The following PKHD1 variants were observed in gnomAD, a reference collection of about 807,000 sequenced individuals.
PKHD1 encodes the protein fibrocystin.
Under a neutral mutation model 412.0 loss-of-function variants are expected in PKHD1, and 291 were observed. That is an observed-to-expected ratio of 0.71 (90% CI 0.64 to 0.78). The LOEUF (loss-of-function observed/expected upper bound fraction) is 0.78, where lower values mean the gene tolerates loss of function less well. PKHD1 is among the 30% of genes least tolerant of loss of function. The pLI, the probability that PKHD1 is intolerant of heterozygous loss-of-function variation, is 0.00. For missense variants in PKHD1, 4,825 were observed against 4,950.7 expected (o/e 0.97, Z 0.76); for synonymous variants, 1,777 against 1,821.5 (o/e 0.98, Z 0.62).
chr6:51,654,375 A>G (rs1270949695), intron 61 of PKHD1, among the ~76,000 whole-genome samples: 1 of 152,080 alleles, frequency 6.6e-6, no homozygotes, highest in Non-Finnish European at 1.5e-5. Context: ...ATATCCATTA[A>G]TTTTCAAATC....
intron 37 of PKHD1, among the ~76,000 whole-genome samples, chr6:51,923,748 T>C (rs550490481): frequency 1.3e-5 from 2 of 152,304 alleles, no homozygotes; most frequent in South Asian, 4.1e-4. Flanking sequence ...CAAAGAGAGC[T>C]ATAAGCCAGA....
chr6:52,067,081 C>T (rs1398663532), intron 11 of PKHD1, among the ~76,000 whole-genome samples: 6 of 152,014 alleles, frequency 3.9e-5, no homozygotes, highest in Non-Finnish European at 8.8e-5. Context: ...GGTACAAAAG[C>T]TAATGATGAA....
At chr6:51,674,982 T>C (rs1187790807) in intron 60 of PKHD1, among the ~76,000 whole-genome samples, 2 of 152,108 alleles carry the variant, frequency 1.3e-5, no homozygotes, top group Non-Finnish European at 2.9e-5. Flanking sequence ...TTAAAAAATA[T>C]ATGTATTTTT....
intron 35 of PKHD1, among the ~76,000 whole-genome samples, chr6:51,970,990 A>G (rs1426429548): frequency 2.0e-5 from 3 of 152,138 alleles, no homozygotes; most frequent in Non-Finnish European, 4.4e-5. Flanking sequence ...GCAAAAAATG[A>G]TGTTGACATT....
At chr6:51,955,794 G>A (rs545386835) in intron 36 of PKHD1, among the ~76,000 whole-genome samples, 19 of 151,934 alleles carry the variant, frequency 1.3e-4, no homozygotes, top group Admixed American at 2.6e-4. Context: ...ATATTTTGTC[G>A]GTTAAAATCT....
chr6:51,664,870 T>C (rs1268076649), intron 60 of PKHD1, among the ~76,000 whole-genome samples: 7 of 152,276 alleles, frequency 4.6e-5, no homozygotes, highest in Non-Finnish European at 8.8e-5. Flanking sequence ...TGATTTCTCA[T>C]ATCTGGTTGG....
intron 54 of PKHD1, among the ~76,000 whole-genome samples, chr6:51,774,603 G>A (rs983809608): frequency 2.6e-5 from 4 of 151,894 alleles, no homozygotes; most frequent in Admixed American, 6.6e-5. Flanking sequence ...GAAACTTAAA[G>A]TGCTATCAAA....
intron 52 of PKHD1, among the ~76,000 whole-genome samples, chr6:51,826,557 G>T (rs1767359604): frequency 6.6e-6 from 1 of 152,220 alleles, no homozygotes; most frequent in Admixed American, 6.5e-5. Flanking sequence ...GAAGGTTTGA[G>T]ATTTGCGTAG....
At chr6:51,736,743 C>CCTCT (rs1783905188) in intron 60 of PKHD1, among the ~76,000 whole-genome samples, 1 of 152,140 alleles carries the variant, frequency 6.6e-6, no homozygotes, top group South Asian at 2.1e-4. Context: ...TTTCCTCTCT[C>CCTCT]CATTCTGTCC....
intron 35 of PKHD1, among the ~76,000 whole-genome samples, chr6:51,970,799 A>G (rs112518037): frequency 3.9e-5 from 6 of 152,256 alleles, no homozygotes; most frequent in African/African-American, 1.4e-4. Flanking sequence ...ATTATATTCT[A>G]TTGATCTATG....
chr6:51,911,741 C>G lies in PKHD1; in HGVS notation c.6490+58G>C, dbSNP rs991766080. ...CAACCACAGCAATGCCATCTATCAT[C>G]AGACAGTAAGAATATTCTTTTTTGC... On this transcript the variant is annotated intron_variant, in intron 39 of 66. Transcript: ENST00000371117. 8.3e-6 allele frequency: 12 copies of G among 1,442,762 alleles called. No individual in the cohort carries two copies. In the African/African-American group the frequency reaches 1.5e-4, roughly 19 times the overall value. 89.4% of individuals were successfully genotyped at this position (1,442,762 alleles called of 1,614,324 possible).
At chr6:51,769,580 T>C (rs1789704028) in intron 55 of PKHD1, among the ~76,000 whole-genome samples, 1 of 151,520 alleles carries the variant, frequency 6.6e-6, no homozygotes, top group African/African-American at 2.4e-5. Flanking sequence ...TTTTAAAAAT[T>C]TAATCTTACT....
intron 52 of PKHD1, among the ~76,000 whole-genome samples, chr6:51,823,725 T>C (rs1401694481): frequency 6.6e-6 from 1 of 152,228 alleles, no homozygotes; most frequent in Non-Finnish European, 1.5e-5. Context: ...TTCATTTTTA[T>C]GAAGAAAAGC....
chr6:51,900,007 G>T lies in PKHD1; in HGVS notation c.6996+3590C>A, dbSNP rs890637682. Among the ~76,000 whole-genome samples the T allele has an allele frequency of 2.0e-5, 3 of 152,072 alleles. No homozygotes were observed. In the South Asian group the frequency reaches 6.2e-4, roughly 32 times the overall value. On this transcript the variant is annotated intron_variant, in intron 43 of 66. Transcript: ENST00000371117. ...GGAGAACTACAAACCACTGCTCAAG[G>T]AAATCAAAGAGGATACAAACAAATG...
intron 36 of PKHD1, among the ~76,000 whole-genome samples, chr6:51,940,233 A>G (rs1241776532): frequency 4.0e-5 from 6 of 151,632 alleles, no homozygotes; most frequent in Non-Finnish European, 1.5e-5. Flanking sequence ...CAAAAATTAA[A>G]TTCCGGCCCT....
intron 60 of PKHD1, among the ~76,000 whole-genome samples, chr6:51,723,807 G>A (rs571797295): frequency 7.2e-4 from 109 of 152,268 alleles, no homozygotes; most frequent in Non-Finnish European, 1.0e-3. Context: ...GACAGAGAGA[G>A]AGTTTGGGTA....
chr6:51,814,372 A>G (rs973247798), intron 52 of PKHD1, among the ~76,000 whole-genome samples: 9 of 152,186 alleles, frequency 5.9e-5, no homozygotes, highest in African/African-American at 2.2e-4. Context: ...ACAGTAGCCA[A>G]TGTCATAGCT....
intron 25 of PKHD1, among the ~76,000 whole-genome samples, chr6:52,044,150 A>G (rs1425415005): frequency 1.3e-5 from 2 of 152,182 alleles, no homozygotes; most frequent in East Asian, 1.9e-4. Flanking sequence ...TATATAACTA[A>G]AGACTAGAGT....
At chr6:51,781,819 A>G (rs1391346090) in intron 53 of PKHD1, among the ~76,000 whole-genome samples, 2 of 152,030 alleles carry the variant, frequency 1.3e-5, no homozygotes, top group Non-Finnish European at 2.9e-5. Flanking sequence ...AGCAAGTAAT[A>G]TCTAATTCCT....
Sources: gnomAD v4.1 joint callset for allele counts (sites outside exome capture counted in the v4.1 genomes callset) on GRCh38, gnomAD v4.1.1 for gene constraint, MANE v1.5 for transcripts, NCBI Gene and HGNC (gene_info 2026-07-23, HGNC 2026-07-21) for gene names.